COL4A2: variants seen among roughly 807,000 people sequenced by gnomAD.
COL4A2 encodes the protein collagen type IV alpha 2 chain, also known as collagen alpha-2(IV) chain.
COL4A2 carries 99 observed loss-of-function variants against 200.2 expected under a neutral mutation model. The ratio of observed to expected loss-of-function variants is 0.49; its 90% CI spans 0.42 to 0.58. COL4A2 has a LOEUF of 0.58. COL4A2 is among the 20% of genes least tolerant of loss of function. COL4A2 has a pLI of 0.00. For missense variants in COL4A2, 1,950 were observed against 2,314.1 expected, an observed-to-expected ratio of 0.84 and a Z score of 3.23; for synonymous variants, 897 against 900.6, an observed-to-expected ratio of 1.00 and a Z score of 0.07.
At chr13:110,477,309 G>C (rs562955130) in intron 29 of COL4A2, among the ~76,000 whole-genome samples, 2 of 152,368 alleles carry the variant, frequency 1.3e-5, no homozygotes, top group East Asian at 3.9e-4. Context: ...CCGACACCAC[G>C]TTTCACTGCA....
At chr13:110,415,223 G>C (rs1363142161) in intron 4 of COL4A2, among the ~76,000 whole-genome samples, 2 of 152,108 alleles carry the variant, frequency 1.3e-5, no homozygotes, top group East Asian at 1.9e-4. Context: ...GTTATTTGTT[G>C]TGTCTGTTAA....
At chr13:110,322,385 G>A (rs1885297985) in intron 3 of COL4A2, among the ~76,000 whole-genome samples, 1 of 152,218 alleles carries the variant, frequency 6.6e-6, no homozygotes, top group South Asian at 2.1e-4. Flanking sequence ...GGAACCGGGT[G>A]TCTGGGTGGG....
At chr13:110,499,124 C>A (rs1883555741) in intron 40 of COL4A2, among the ~76,000 whole-genome samples, 1 of 152,264 alleles carries the variant, frequency 6.6e-6, no homozygotes, top group Non-Finnish European at 1.5e-5. Context: ...TCAGGACACA[C>A]ACTCTTCTCT....
At chr13:110,382,969 GAGT>G (rs1201889800) in intron 4 of COL4A2, among the ~76,000 whole-genome samples, 2 of 152,102 alleles carry the variant, frequency 1.3e-5, no homozygotes, top group Admixed American at 1.3e-4. Context: ...ATTTCATTAT[GAGT>G]TATGGATATT....
chr13:110,510,693 ATGCATGTG>A (rs1353074044), intron 47 of COL4A2, among the ~76,000 whole-genome samples: 1 of 152,172 alleles, frequency 6.6e-6, no homozygotes, highest in Non-Finnish European at 1.5e-5. Context: ...GTGTGCATGT[ATGCATGTG>A]TGTGTGCGCA....
At chr13:110,345,732 G>T (rs754728692) in intron 3 of COL4A2, among the ~76,000 whole-genome samples, 3 of 152,158 alleles carry the variant, frequency 2.0e-5, no homozygotes, top group Non-Finnish European at 4.4e-5. Flanking sequence ...GGGTGGAGAA[G>T]GACAGGGGGC....
At chr13:110,352,893 C>A (rs950987242) in intron 3 of COL4A2, among the ~76,000 whole-genome samples, 1 of 152,144 alleles carries the variant, frequency 6.6e-6, no homozygotes, top group Non-Finnish European at 1.5e-5. Context: ...CCGGGCTGAA[C>A]GGCTACAGCA....
chr13:110,423,992 T>G (rs1400146425), intron 4 of COL4A2, among the ~76,000 whole-genome samples: 1 of 152,210 alleles, frequency 6.6e-6, no homozygotes, highest in Non-Finnish European at 1.5e-5. Context: ...CTGTTGTGAA[T>G]CACGCTGCTG....
chr13:110,472,316 C>T lies in COL4A2; in HGVS notation c.2204-613C>T, dbSNP rs560787153. 2.6e-5 allele frequency among the ~76,000 whole-genome samples: 4 copies of T among 152,066 alleles called. No individual in the cohort carries two copies. The South Asian group carries it at 6.2e-4, about 24-fold the overall frequency. On this transcript the variant is annotated intron_variant, in intron 28 of 47. Transcript: ENST00000360467. ...ATTTTTAGTAGAGACGAGGTTTCAC[C>T]GTGTTAGCCAGGATGGTCTCGATCT...
chr13:110,510,597 G>T (rs533159845), intron 47 of COL4A2, among the ~76,000 whole-genome samples: 1 of 149,874 alleles, frequency 6.7e-6, no homozygotes, highest in South Asian at 2.2e-4. Flanking sequence ...GTGCATAGGG[G>T]TGTGTACACA....
Position 110,480,395 on chromosome 13 carries a change from T to C in COL4A2, c.2758+5T>C, listed in dbSNP as rs753949379. ...CTGGGACCCCCGGGCTAAAAGGTAA[T>C]TGTGTGACTGTGACCAGGGATCCCT... is the stretch of plus-strand genomic sequence containing the variant. On this transcript the variant is annotated splice_donor_5th_base_variant and intron_variant, in intron 31 of 47. Coordinates refer to ENST00000360467, the MANE Select transcript of COL4A2 (RefSeq NM_001846.4). 2 of 1,609,014 alleles carry C rather than the reference T, an allele frequency of 1.2e-6. No homozygotes were observed. Among genetic ancestry groups the C allele is most frequent in the South Asian group, 2.2e-5 (2 of 90,356 alleles).
intron 39 of COL4A2, among the ~76,000 whole-genome samples, chr13:110,494,863 C>G (rs891444969): frequency 3.3e-5 from 5 of 152,244 alleles, no homozygotes; most frequent in African/African-American, 1.2e-4. Flanking sequence ...TCACGCACTC[C>G]TGCGTCATTA....
rs183594747 is a variant in COL4A2 at position 110,361,411 on chromosome 13, G to A, written c.180+3859G>A. 2.4e-4 allele frequency among the ~76,000 whole-genome samples: 37 copies of A among 152,234 alleles called. No homozygotes were observed. The South Asian group carries it at 5.2e-3, about 21-fold the overall frequency. ...CACAGCTTCCCCTGGGGTGGCTCCC[G>A]TCTCTCTTCCCTGTGGTGCTACTGT... On this transcript the variant is annotated intron_variant, in intron 4 of 47. Transcript: ENST00000360467.
chr13:110,469,160 C>G, intron 27 of COL4A2, 57 bp from the exon 28 acceptor site: 3 of 1,540,990 alleles, frequency 1.9e-6, no homozygotes, highest in Non-Finnish European at 1.8e-6. Context: ...CAAGCATGAC[C>G]ATGCCCATTT....
chr13:110,363,107 C>G (rs997406263), intron 4 of COL4A2, among the ~76,000 whole-genome samples: 2 of 152,030 alleles, frequency 1.3e-5, no homozygotes, highest in Non-Finnish European at 2.9e-5. Context: ...TCAAATGGCC[C>G]TGTCACACGA....
chr13:110,448,203 G>C (rs147294786), intron 18 of COL4A2, among the ~76,000 whole-genome samples: 26 of 152,266 alleles, frequency 1.7e-4, no homozygotes, highest in African/African-American at 6.0e-4. Flanking sequence ...TTGGTAAAAA[G>C]GAAATATGCT....
intron 4 of COL4A2, among the ~76,000 whole-genome samples, chr13:110,393,721 A>G (rs1879080415): frequency 6.6e-6 from 1 of 152,134 alleles, no homozygotes; most frequent in Non-Finnish European, 1.5e-5. Context: ...TCTACTAAAA[A>G]TATAAAAAAT....
intron 4 of COL4A2, among the ~76,000 whole-genome samples, chr13:110,421,380 C>T (rs1880245600): frequency 6.6e-6 from 1 of 152,150 alleles, no homozygotes; most frequent in African/African-American, 2.4e-5. Flanking sequence ...ATGAATGAAC[C>T]CATTGTGGTC....
chr13:110,330,656 T>C (rs2139361070), intron 3 of COL4A2, among the ~76,000 whole-genome samples: 1 of 152,294 alleles, frequency 6.6e-6, no homozygotes, highest in African/African-American at 2.4e-5. Flanking sequence ...GCTTCTCCGA[T>C]CCGCAGGGCA....
Sources: allele counts gnomAD v4.1 joint callset (sites outside exome capture counted in the v4.1 genomes callset), GRCh38; gene constraint gnomAD v4.1.1; transcripts MANE v1.5; gene names NCBI Gene and HGNC (gene_info 2026-07-23, HGNC 2026-07-21).